Variants in LRMDA observed in about 807,000 individuals in gnomAD.
LRMDA encodes leucine rich melanocyte differentiation associated, also known as leucine-rich melanocyte differentiation-associated protein.
LRMDA carries 18 observed loss-of-function variants against 29.8 expected under a neutral mutation model. The observed-to-expected ratio is 0.60, with a 90% CI of 0.42 to 0.90. LRMDA has a LOEUF of 0.90. LRMDA is among the 40% of genes least tolerant of loss of function. The pLI, the probability that LRMDA is intolerant of heterozygous loss-of-function variation, is 0.00. For missense variants in LRMDA, 273 were observed against 273.9 expected, an observed-to-expected ratio of 1.00 and a Z score of 0.02; for synonymous variants, 125 against 109.4, an observed-to-expected ratio of 1.14 and a Z score of -0.89.
intron 2 of LRMDA, among the ~76,000 whole-genome samples, chr10:75,508,182 C>T (rs527437781): frequency 3.7e-4 from 57 of 152,144 alleles, no homozygotes; most frequent in Non-Finnish European, 3.1e-4. Context: ...TATTAGCATT[C>T]CTACCCCACT....
At chr10:76,086,101 T>C (rs192127866) in intron 5 of LRMDA, among the ~76,000 whole-genome samples, 7 of 152,318 alleles carry the variant, frequency 4.6e-5, no homozygotes, top group Admixed American at 3.9e-4. Context: ...TGAACACATA[T>C]TCTGATTTTT....
intron 2 of LRMDA, among the ~76,000 whole-genome samples, chr10:75,725,040 G>A (rs761267043): frequency 9.9e-5 from 15 of 152,278 alleles, no homozygotes; most frequent in African/African-American, 3.1e-4. Flanking sequence ...TTGGAAAATC[G>A]TTATTCATAA....
At chr10:75,870,085 G>A (rs1845083554) in intron 2 of LRMDA, among the ~76,000 whole-genome samples, 1 of 152,130 alleles carries the variant, frequency 6.6e-6, no homozygotes, top group Non-Finnish European at 1.5e-5. Context: ...TCACCTGAAA[G>A]CCACATGTGG....
rs919828885 is a variant in LRMDA at position 76,291,625 on chromosome 10, C to T, written c.517-32776C>T. On this transcript the variant is annotated intron_variant, in intron 5 of 6. Coordinates refer to ENST00000611255, the MANE Select transcript of LRMDA (RefSeq NM_001305581.2). The stretch of plus-strand genomic sequence containing the variant: ...CGTTTGCATACTTAGCATTAATGCT[C>T]TTAAGTGGAATAGCTTGATTAAGAC... Among the ~76,000 whole-genome samples, 40 of 151,916 alleles carry T rather than the reference C, an allele frequency of 2.6e-4. 1 individual carries two copies. The highest frequency in any genetic ancestry group is 1.5e-5 in the Non-Finnish European group (1 of 68,010).
At chr10:75,811,693 CT>C (rs1175192337) in intron 2 of LRMDA, among the ~76,000 whole-genome samples, 1 of 152,216 alleles carries the variant, frequency 6.6e-6, no homozygotes, top group Non-Finnish European at 1.5e-5. Flanking sequence ...GAGGCAGTGA[CT>C]TGCTCATTTC....
intron 5 of LRMDA, among the ~76,000 whole-genome samples, chr10:76,215,190 T>C (rs1321715634): frequency 6.6e-6 from 1 of 152,224 alleles, no homozygotes; most frequent in East Asian, 1.9e-4. Context: ...ATTTTACACA[T>C]TGACTTGAGC....
chr10:75,632,825 C>T (rs923681413), intron 2 of LRMDA, among the ~76,000 whole-genome samples: 6 of 130,218 alleles, frequency 4.6e-5, no homozygotes, highest in Non-Finnish European at 9.5e-5. Flanking sequence ...GAGTCTTTCC[C>T]CCAGTGTTCA....
chr10:75,697,097 A>C (rs1198971699), intron 2 of LRMDA, among the ~76,000 whole-genome samples: 8 of 152,192 alleles, frequency 5.3e-5, no homozygotes, highest in Non-Finnish European at 1.0e-4. Context: ...GCCATGAGGC[A>C]GTGAGGAGAT....
intron 5 of LRMDA, among the ~76,000 whole-genome samples, chr10:76,258,239 T>C (rs913207296): frequency 2.0e-5 from 3 of 152,230 alleles, no homozygotes; most frequent in Non-Finnish European, 2.9e-5. Context: ...TCAAGTAACA[T>C]TGGCAGTAAT....
At chr10:76,360,134 A>T (rs536411433) in intron 6 of LRMDA, among the ~76,000 whole-genome samples, 1 of 152,122 alleles carries the variant, frequency 6.6e-6, no homozygotes, top group African/African-American at 2.4e-5. Flanking sequence ...GATTACAGGC[A>T]TGTGCTACCA....
chr10:76,529,903 C>T (rs987801675), intron 6 of LRMDA, among the ~76,000 whole-genome samples: 1 of 152,016 alleles, frequency 6.6e-6, no homozygotes, highest in African/African-American at 2.4e-5. Flanking sequence ...AGACTTGGGC[C>T]AATAGGTTTG....
chr10:75,808,616 TCTC>T (rs1328459589), intron 2 of LRMDA, among the ~76,000 whole-genome samples: 7 of 152,148 alleles, frequency 4.6e-5, no homozygotes. Flanking sequence ...TTCAAGTAAT[TCTC>T]CTCCCTCAGC....
chr10:76,298,923 T>A (rs1173652402), intron 5 of LRMDA, among the ~76,000 whole-genome samples: 1 of 152,204 alleles, frequency 6.6e-6, no homozygotes, highest in East Asian at 1.9e-4. Flanking sequence ...TCTTCAGTAT[T>A]CTTGATTTTC....
At chr10:75,661,211 T>C (rs1453947720) in intron 2 of LRMDA, among the ~76,000 whole-genome samples, 1 of 152,184 alleles carries the variant, frequency 6.6e-6, no homozygotes, top group Non-Finnish European at 1.5e-5. Flanking sequence ...GAGGAATGAC[T>C]GCTTTACTCT....
chr10:75,634,512 CAG>C (rs1841366734), intron 2 of LRMDA, among the ~76,000 whole-genome samples: 1 of 152,222 alleles, frequency 6.6e-6, no homozygotes, highest in Non-Finnish European at 1.5e-5. Flanking sequence ...CCTATAGACA[CAG>C]AGTGGCATTC....
At chr10:76,034,106 T>G (rs1364667695) in intron 2 of LRMDA, among the ~76,000 whole-genome samples, 1 of 152,188 alleles carries the variant, frequency 6.6e-6, no homozygotes, top group African/African-American at 2.4e-5. Flanking sequence ...AGGCCCAAAT[T>G]CACACAACAG....
chr10:76,454,209 A>C (rs907021623), intron 6 of LRMDA, among the ~76,000 whole-genome samples: 1 of 152,216 alleles, frequency 6.6e-6, no homozygotes, highest in African/African-American at 2.4e-5. Context: ...CTTAGGATGA[A>C]TCACATAGAT....
chr10:76,264,682 A>G lies in LRMDA; in HGVS notation c.517-59719A>G, dbSNP rs114836062. Among the ~76,000 whole-genome samples the G allele has an allele frequency of 1.4e-3, 213 of 152,214 alleles. 2 individuals carry two copies. Among genetic ancestry groups the G allele is most frequent in the African/African-American group, 4.9e-3 (205 of 41,526 alleles). ...GTCTGTTTTAATTCTTTGGGAGAGG[A>G]GTCCTGAGTACTAAACAGAAAGGTA... On this transcript the variant is annotated intron_variant, in intron 5 of 6. Coordinates refer to ENST00000611255, the MANE Select transcript of LRMDA (RefSeq NM_001305581.2).
intron 2 of LRMDA, among the ~76,000 whole-genome samples, chr10:75,920,843 A>G (rs750003550): frequency 1.5e-4 from 23 of 152,184 alleles, no homozygotes; most frequent in Non-Finnish European, 2.6e-4. Context: ...CTTTATGTGC[A>G]TAGCTTCGCG....
Sources: gnomAD v4.1 joint callset for allele counts (sites outside exome capture counted in the v4.1 genomes callset) on GRCh38, gnomAD v4.1.1 for gene constraint, MANE v1.5 for transcripts, NCBI Gene and HGNC (gene_info 2026-07-23, HGNC 2026-07-21) for gene names.